Variants in PCDH7 observed in about 807,000 individuals in gnomAD.
PCDH7 encodes protocadherin 7, also known as protocadherin-7.
PCDH7 carries 17 observed loss-of-function variants against 58.9 expected under a neutral mutation model. The ratio of observed to expected loss-of-function variants is 0.29; its 90% CI spans 0.20 to 0.43. The LOEUF (loss-of-function observed/expected upper bound fraction) is 0.43. PCDH7 is among the 20% of genes least tolerant of loss of function. The probability of loss-of-function intolerance (pLI) is 1.00; values close to 1 mark genes in which losing one functional copy is unlikely to be tolerated. For missense variants in PCDH7, 1,274 were observed against 1,441.0 expected, an observed-to-expected ratio of 0.88 and a Z score of 1.88; for synonymous variants, 664 against 616.4, an observed-to-expected ratio of 1.08 and a Z score of -1.14.
chr4:30,889,341 T>A (rs986453316), intron 1 of PCDH7, among the ~76,000 whole-genome samples: 1 of 147,582 alleles, frequency 6.8e-6, no homozygotes, highest in African/African-American at 2.5e-5. Flanking sequence ...GTTACAAAAA[T>A]AATAATAATA....
intron 1 of PCDH7, among the ~76,000 whole-genome samples, chr4:30,808,800 G>T (rs139375588): frequency 6.6e-5 from 10 of 152,214 alleles, no homozygotes; most frequent in Middle Eastern, 3.4e-3. Context: ...CAAGACATAT[G>T]TTGCTTTTAC....
chr4:31,078,880 A>G (rs896371671), intron 3 of PCDH7, among the ~76,000 whole-genome samples: 1 of 151,986 alleles, frequency 6.6e-6, no homozygotes, highest in Non-Finnish European at 1.5e-5. Context: ...CAAAACAAAC[A>G]AATGCAACAG....
At chr4:30,950,551 AAC>A (rs1747253254) in intron 3 of PCDH7, among the ~76,000 whole-genome samples, 1 of 152,218 alleles carries the variant, frequency 6.6e-6, no homozygotes, top group Non-Finnish European at 1.5e-5. Context: ...ATCGTTATAT[AAC>A]ACATCTTTGA....
rs529917541 is a variant in PCDH7, at chr4:31,074,979, C to T, written c.*8-67494C>T. 2.0e-5 allele frequency among the ~76,000 whole-genome samples: 3 copies of T among 151,970 alleles called. No individual in the cohort carries two copies. In the South Asian group the frequency reaches 6.2e-4, roughly 32 times the overall value. ...ATATAATCAACCATGTCCTTCTAAT[C>T]TACAAAGTACTTATTAAGGCTCTGC... On this transcript the variant is annotated intron_variant, in intron 3 of 3. Transcript: ENST00000509759.
At chr4:30,808,135 A>G (rs560018181) in intron 1 of PCDH7, among the ~76,000 whole-genome samples, 2 of 152,344 alleles carry the variant, frequency 1.3e-5, no homozygotes, top group Non-Finnish European at 2.9e-5. Flanking sequence ...AGATGCTAGT[A>G]TTGACTAAAT....
At chr4:30,996,538 C>T (rs980709033) in intron 3 of PCDH7, among the ~76,000 whole-genome samples, 3 of 152,026 alleles carry the variant, frequency 2.0e-5, no homozygotes, top group Non-Finnish European at 4.4e-5. Context: ...TGGTTTAGCA[C>T]ACCTGCTCAG....
chr4:31,122,945 A>G (rs1717864787), intron 3 of PCDH7, among the ~76,000 whole-genome samples: 1 of 152,028 alleles, frequency 6.6e-6, no homozygotes. Flanking sequence ...GCTAGTAATT[A>G]TAAAATACAA....
chr4:30,822,120 CCT>C (rs10553337), intron 1 of PCDH7, among the ~76,000 whole-genome samples: 5,469 of 152,154 alleles, frequency 0.036, 322 homozygotes, highest in African/African-American at 0.12. Context: ...CCGAGCATTT[CCT>C]CTCTCTTCCA....
exon 2 of PCDH7, chr4:30,731,373 A>ATATATG (rs1425316490): frequency 6.6e-6 from 1 of 152,296 alleles, no homozygotes; most frequent in African/African-American, 2.4e-5. Context: ...ATATATATAT[A>ATATATG]TATGCTGGAA....
intron 1 of PCDH7, among the ~76,000 whole-genome samples, chr4:30,900,350 C>G (rs550936163): frequency 6.6e-6 from 1 of 152,252 alleles, no homozygotes; most frequent in African/African-American, 2.4e-5. Context: ...AAGTCTGGTG[C>G]TATTTCCAGT....
At chr4:31,001,093 C>T (rs1752329403) in intron 3 of PCDH7, among the ~76,000 whole-genome samples, 1 of 151,906 alleles carries the variant, frequency 6.6e-6, no homozygotes, top group African/African-American at 2.4e-5. Flanking sequence ...CTCTTCTTTT[C>T]AATGATTACA....
At chr4:31,089,743 A>T (rs1014900757) in intron 3 of PCDH7, among the ~76,000 whole-genome samples, 7 of 152,096 alleles carry the variant, frequency 4.6e-5, no homozygotes, top group African/African-American at 1.4e-4. Context: ...TTACTTAGTG[A>T]TGCTCTTTGA....
chr4:30,794,648 T>A (rs554384539), intron 1 of PCDH7, among the ~76,000 whole-genome samples: 10 of 151,700 alleles, frequency 6.6e-5, no homozygotes, highest in African/African-American at 1.9e-4. Context: ...TTTTCTTTGT[T>A]GAACACATAA....
chr4:30,753,706 G>C (rs893351710), intron 1 of PCDH7, among the ~76,000 whole-genome samples: 2 of 152,112 alleles, frequency 1.3e-5, no homozygotes, highest in Non-Finnish European at 2.9e-5. Context: ...TTATTCTTGT[G>C]AAGCTTACCT....
intron 1 of PCDH7, among the ~76,000 whole-genome samples, chr4:30,879,377 A>C (rs1736673420): frequency 6.6e-6 from 1 of 152,088 alleles, no homozygotes; most frequent in Non-Finnish European, 1.5e-5. Flanking sequence ...CTGTGCATTA[A>C]GAGGAAATTC....
At chr4:30,824,520 T>A (rs1336845230) in intron 1 of PCDH7, among the ~76,000 whole-genome samples, 1 of 152,092 alleles carries the variant, frequency 6.6e-6, no homozygotes, top group African/African-American at 2.4e-5. Flanking sequence ...CACAACTAGT[T>A]GATAGAGATA....
At chr4:30,840,689 A>G (rs1731094758) in intron 1 of PCDH7, among the ~76,000 whole-genome samples, 1 of 152,132 alleles carries the variant, frequency 6.6e-6, no homozygotes, top group Non-Finnish European at 1.5e-5. Flanking sequence ...GAGGAGCAGA[A>G]CAAAATTTTT....
At chr4:31,123,046 G>A (rs1010761935) in intron 3 of PCDH7, among the ~76,000 whole-genome samples, 1 of 151,840 alleles carries the variant, frequency 6.6e-6, no homozygotes, top group Non-Finnish European at 1.5e-5. Flanking sequence ...CTTACAATGT[G>A]CATTTTAATA....
chr4:31,134,387 G>A (rs1719342691), intron 3 of PCDH7, among the ~76,000 whole-genome samples: 3 of 152,144 alleles, frequency 2.0e-5, no homozygotes, highest in Admixed American at 2.0e-4. Context: ...TAGAACCCGG[G>A]AGGTGGAGGT....
Sources: gnomAD v4.1 joint callset for allele counts (sites outside exome capture counted in the v4.1 genomes callset) on GRCh38, gnomAD v4.1.1 for gene constraint, MANE v1.5 for transcripts, NCBI Gene and HGNC (gene_info 2026-07-23, HGNC 2026-07-21) for gene names.